The following DCBLD1 variants were observed in gnomAD, a reference collection of about 807,000 sequenced individuals.
DCBLD1 encodes discoidin, CUB and LCCL domain-containing protein 1.
A neutral mutation model predicts 71.5 loss-of-function variants in DCBLD1; 57 were observed. The ratio of observed to expected loss-of-function variants is 0.80; its 90% CI spans 0.64 to 0.99. The LOEUF (loss-of-function observed/expected upper bound fraction) is 0.99, where lower values mean the gene tolerates loss of function less well. Among genes scored for constraint, DCBLD1 ranks in the 50% least tolerant of loss-of-function variants. The pLI, the probability that DCBLD1 is intolerant of heterozygous loss-of-function variation, is 0.00. For synonymous variants in DCBLD1, 380 were observed against 363.8 expected (o/e 1.04, Z -0.51); for missense variants, 891 against 923.5 (o/e 0.96, Z 0.46).
rs1777459562 is a variant in DCBLD1, at chr6:117,496,054, A to T, written c.113-7713A>T. On this transcript the variant is annotated intron_variant, in intron 1 of 14. Coordinates refer to ENST00000338728, the MANE Select transcript of DCBLD1 (RefSeq NM_001366458.2). ...GTTTCCACAGAGAGACTTTTGACAT[A>T]TTCCTTGTGTTTCCTTTTATTTTAC... Among the ~76,000 whole-genome samples the T allele has an allele frequency of 3.3e-5, 5 of 152,336 alleles. No homozygotes were observed. The South Asian group carries it at 1.0e-3, about 32-fold the overall frequency.
intron 2 of DCBLD1, among the ~76,000 whole-genome samples, chr6:117,508,552 C>A (rs1432896704): frequency 1.3e-5 from 2 of 152,174 alleles, no homozygotes; most frequent in Non-Finnish European, 2.9e-5. Flanking sequence ...CTTTACAGCT[C>A]TTTAGTGACC....
rs932429910 is a variant in DCBLD1, at chr6:117,548,104, G to T, written c.1813G>T (p.Val605Leu). 3 of 1,549,482 alleles carry T rather than the reference G, an allele frequency of 1.9e-6. No homozygotes were observed. The highest frequency in any genetic ancestry group is 2.6e-6 in the Non-Finnish European group (3 of 1,146,478). The change falls in exon 15 of 15, where the codon GTG becomes TTG. Residue 605 changes from valine to leucine, a missense_variant. Transcript: ENST00000338728. Reference protein sequence around the residue: ...PPEPEYATPIVERHVLRAHTF... With the variant: ...PPEPEYATPILERHVLRAHTF... ...GGAGCCCGAGTACGCCACGCCCATC[G>T]TGGAGCGGCACGTGCTGCGCGCCCA...
intron 2 of DCBLD1, among the ~76,000 whole-genome samples, chr6:117,509,081 A>G (rs898876342): frequency 2.0e-5 from 3 of 152,136 alleles, no homozygotes; most frequent in Non-Finnish European, 4.4e-5. Flanking sequence ...GCTTATTTCT[A>G]AATTGGTTGA....
chr6:117,549,513 T>G lies in DCBLD1; in HGVS notation c.*1074T>G. ...TCAGTAGTTTTTATTTGAGTTTCTTTTGTGAGTTAACTATGGGAGATTTAA... is the reference window on the plus strand; with the variant it reads ...TCAGTAGTTTTTATTTGAGTTTCTTGTGTGAGTTAACTATGGGAGATTTAA... On this transcript the variant is annotated 3_prime_UTR_variant, in exon 15 of 15. Coordinates refer to ENST00000338728, the MANE Select transcript of DCBLD1 (RefSeq NM_001366458.2). 2.0e-6 allele frequency: 2 copies of G among 985,388 alleles called. No homozygotes were observed. The highest frequency in any genetic ancestry group is 2.4e-6 in the Non-Finnish European group (2 of 829,920). The allele number at this position is 985,388 out of a possible 1,614,324, so 61.0% of individuals were successfully genotyped here.
At chr6:117,500,693 C>T (rs914182750) in intron 1 of DCBLD1, among the ~76,000 whole-genome samples, 9 of 152,218 alleles carry the variant, frequency 5.9e-5, no homozygotes, top group Non-Finnish European at 1.0e-4. Context: ...GGTGAAACCC[C>T]GTCTCTACTA....
At chr6:117,556,806 T>C (rs964961616) in intron 14 of DCBLD1, among the ~76,000 whole-genome samples, 1 of 152,212 alleles carries the variant, frequency 6.6e-6, no homozygotes. Context: ...CTATACTGTT[T>C]TCCGTAAAGG....
chr6:117,533,122 G>T (rs1778778236), intron 6 of DCBLD1, among the ~76,000 whole-genome samples: 1 of 152,142 alleles, frequency 6.6e-6, no homozygotes, highest in Non-Finnish European at 1.5e-5. Flanking sequence ...AACCTAGTGA[G>T]AGAAAAGTGC....
At chr6:117,547,758 C>T (rs1301959680) in intron 14 of DCBLD1, 149 bp from the exon 15 acceptor site, 33 of 1,523,578 alleles carry the variant, frequency 2.2e-5, no homozygotes, top group Non-Finnish European at 2.9e-5. Context: ...GTGGCTTTCA[C>T]ATCAGGGTTT....
chr6:117,549,649 C>A lies in DCBLD1; in HGVS notation c.*1210C>A. On this transcript the variant is annotated 3_prime_UTR_variant, in exon 15 of 15. Transcript: ENST00000338728. ...ACCCTATTTGTGTGGTTATTACATC[C>A]TGTGAAATGTATATATGTTAAAATA... 1.0e-6 allele frequency: 1 copy of A among 985,324 alleles called. No homozygotes were observed. The highest frequency in any genetic ancestry group is 1.2e-6 in the Non-Finnish European group (1 of 829,928). 61.0% of individuals were successfully genotyped at this position (985,324 alleles called of 1,614,324 possible).
At chr6:117,546,510 G>A (rs1455488530) in intron 14 of DCBLD1, among the ~76,000 whole-genome samples, 1 of 152,196 alleles carries the variant, frequency 6.6e-6, no homozygotes, top group Non-Finnish European at 1.5e-5. Context: ...TGGACAAGGA[G>A]AGCATCCTCT....
chr6:117,529,162 T>G (rs1778635293), intron 5 of DCBLD1, among the ~76,000 whole-genome samples: 1 of 152,160 alleles, frequency 6.6e-6, no homozygotes. Context: ...TTTAATAGAC[T>G]TTATGGTGAA....
downstream of DCBLD1, among the ~76,000 whole-genome samples, chr6:117,550,462 C>T (rs1266818984): frequency 1.3e-5 from 2 of 152,144 alleles, no homozygotes; most frequent in Non-Finnish European, 2.9e-5. Flanking sequence ...GTTATCAAAT[C>T]CTACTGGGAG....
intron 3 of DCBLD1, 114 bp from the exon 4 acceptor site, chr6:117,521,404 GATAACTA>G: frequency 1.3e-6 from 1 of 778,162 alleles, no homozygotes; most frequent in Non-Finnish European, 2.0e-6. Context: ...GGAAAATTCT[GATAACTA>G]CATAGTGAAT....
Position 117,543,138 on chromosome 6 carries a change from A to G in DCBLD1, c.1372A>G (p.Thr458Ala), listed in dbSNP as rs923430714. 1 of 1,614,008 alleles carries G rather than the reference A, an allele frequency of 6.2e-7. No individual in the cohort carries two copies. Among genetic ancestry groups the G allele is most frequent in the African/African-American group, 1.3e-5 (1 of 74,932 alleles). The stretch of plus-strand genomic sequence containing the variant: ...GTCTTCTTTAGGAATAAACATTACA[A>G]CGGTGGCTATTCCATTGGTGCTCCT... Reference protein sequence around the residue: ...EETSTGINITTVAIPLVLLVV... With the variant: ...EETSTGINITAVAIPLVLLVV... Residue 458 changes from threonine to alanine, a missense_variant, in exon 12 of 15, where the codon ACG becomes GCG. Transcript: ENST00000338728.
chr6:117,556,146 A>G (rs1411802299), intron 14 of DCBLD1, among the ~76,000 whole-genome samples: 1 of 152,228 alleles, frequency 6.6e-6, no homozygotes, highest in African/African-American at 2.4e-5. Flanking sequence ...ATAGACTCCA[A>G]GTTTTAGTGT....
chr6:117,537,624 T>C lies in DCBLD1; in HGVS notation c.760+399T>C, dbSNP rs1195104787. Among the ~76,000 whole-genome samples, 15 of 148,456 alleles carry C rather than the reference T, an allele frequency of 1.0e-4. 1 individual carries two copies. Among genetic ancestry groups the C allele is most frequent in the Non-Finnish European group, 1.9e-4 (13 of 67,092 alleles). On this transcript the variant is annotated intron_variant, in intron 7 of 14. Transcript: ENST00000338728. ...CAGATTATGTAGTTTAAAAGGTTGT[T>C]TTTTTTTTTTTTCCTTTTTTCTCAG...
intron 1 of DCBLD1, among the ~76,000 whole-genome samples, chr6:117,500,764 G>A (rs762907976): frequency 7.2e-5 from 11 of 152,164 alleles, no homozygotes; most frequent in Non-Finnish European, 1.6e-4. Context: ...TCGGGAGGCT[G>A]AGGCAGGAGA....
chr6:117,540,949 T>G lies in DCBLD1; in HGVS notation c.1281T>G (p.Ser427Arg), dbSNP rs757308320. The G allele has an allele frequency of 6.2e-7, 1 of 1,614,150 alleles. No individual in the cohort carries two copies. Among genetic ancestry groups the G allele is most frequent in the Non-Finnish European group, 8.5e-7 (1 of 1,180,030 alleles). ...GNDSLVWRKT[S>R]QSTSVSTKKE... ...ATTCATTGGTGTGGCGCAAGACAAG[T>G]CAAAGCACCAGTGTTTCAACTAAGA... Residue 427 changes from serine to arginine, a missense_variant, in exon 11 of 15, where the codon AGT becomes AGG. Physicochemically the swap from Ser to Arg is moderately radical, Grantham distance 110 (BLOSUM62 -1). Transcript: ENST00000338728.
chr6:117,568,445 A>C (rs573582445), intron 14 of DCBLD1, among the ~76,000 whole-genome samples: 1 of 152,200 alleles, frequency 6.6e-6, no homozygotes, highest in South Asian at 2.1e-4. Flanking sequence ...ATATGTGCTT[A>C]GTTAGCATTT....
Sources: allele counts gnomAD v4.1 joint callset (sites outside exome capture counted in the v4.1 genomes callset), GRCh38; gene constraint gnomAD v4.1.1; transcripts MANE v1.5; gene names NCBI Gene and HGNC (gene_info 2026-07-23, HGNC 2026-07-21).